Variants in VSTM4 observed in about 807,000 individuals in gnomAD.
VSTM4 encodes the protein V-set and transmembrane domain-containing protein 4.
A neutral mutation model predicts 36.4 loss-of-function variants in VSTM4; 20 were observed. That is an observed-to-expected ratio of 0.55 (90% CI 0.39 to 0.80). The LOEUF (loss-of-function observed/expected upper bound fraction) is 0.80. VSTM4 is among the 30% of genes least tolerant of loss of function. The pLI, the probability that VSTM4 is intolerant of heterozygous loss-of-function variation, is 0.00. For missense variants in VSTM4, 392 were observed against 404.5 expected (o/e 0.97, Z 0.26); for synonymous variants, 182 against 173.9 (o/e 1.05, Z -0.37).
At chr10:49,081,387 A>G (rs1844275937) in intron 3 of VSTM4, among the ~76,000 whole-genome samples, 1 of 152,362 alleles carries the variant, frequency 6.6e-6, no homozygotes, top group African/African-American at 2.4e-5. Flanking sequence ...TTGTCTTACA[A>G]AAGCTTCCAT....
chr10:49,094,432 C>T (rs892371874), intron 2 of VSTM4, among the ~76,000 whole-genome samples: 3 of 152,124 alleles, frequency 2.0e-5, no homozygotes, highest in Non-Finnish European at 2.9e-5. Flanking sequence ...TGAAAGGAAG[C>T]GGAAGAAGTT....
At position 49,019,780 on chromosome 10, in the gene VSTM4, A is replaced by G; in HGVS notation, c.838-5T>C. On this transcript the variant is annotated splice_region_variant and splice_polypyrimidine_tract_variant and intron_variant, in intron 7 of 7. Coordinates refer to ENST00000332853, the MANE Select transcript of VSTM4 (RefSeq NM_001031746.5). Reference sequence around the variant, plus strand: ...GTTTTCCTCAGCAATCTTTGGCTATAAAAGAAAAAACAAAACAAAACACAA... The same window carrying G: ...GTTTTCCTCAGCAATCTTTGGCTATGAAAGAAAAAACAAAACAAAACACAA... 1 of 1,607,890 alleles carries G rather than the reference A, an allele frequency of 6.2e-7. No homozygotes were observed. The highest frequency in any genetic ancestry group is 8.5e-7 in the Non-Finnish European group (1 of 1,176,778).
At chr10:49,091,490 A>C (rs991244492) in intron 2 of VSTM4, among the ~76,000 whole-genome samples, 1 of 152,258 alleles carries the variant, frequency 6.6e-6, no homozygotes, top group Admixed American at 6.5e-5. Context: ...CTGGAAAGAA[A>C]GAGCCTCAGT....
chr10:49,053,055 A>T (rs1215890967), intron 5 of VSTM4, among the ~76,000 whole-genome samples: 2 of 152,224 alleles, frequency 1.3e-5, no homozygotes, highest in Non-Finnish European at 2.9e-5. Context: ...AAGAAAAGTT[A>T]TTCGACATCT....
chr10:49,073,186 C>A (rs1392180835), intron 4 of VSTM4, among the ~76,000 whole-genome samples: 1 of 152,152 alleles, frequency 6.6e-6, no homozygotes, highest in Non-Finnish European at 1.5e-5. Context: ...TGCAGATCTA[C>A]CAGCAAATCT....
At chr10:49,050,475 G>T (rs545836104) in intron 5 of VSTM4, among the ~76,000 whole-genome samples, 1 of 152,146 alleles carries the variant, frequency 6.6e-6, no homozygotes, top group Non-Finnish European at 1.5e-5. Flanking sequence ...TGAATCACAC[G>T]TTGTGGGATA....
chr10:49,067,448 A>T (rs1184532974), intron 4 of VSTM4, among the ~76,000 whole-genome samples: 1 of 152,258 alleles, frequency 6.6e-6, no homozygotes, highest in African/African-American at 2.4e-5. Flanking sequence ...GTACTTCAGA[A>T]TGTGACTGTA....
At chr10:49,068,906 A>G (rs1055091290) in intron 4 of VSTM4, among the ~76,000 whole-genome samples, 6 of 152,176 alleles carry the variant, frequency 3.9e-5, no homozygotes, top group African/African-American at 1.4e-4. Context: ...AACATTCAGG[A>G]CGTGTTCTCA....
intron 6 of VSTM4, among the ~76,000 whole-genome samples, chr10:49,047,901 T>C (rs1380435324): frequency 1.3e-5 from 2 of 152,214 alleles, no homozygotes; most frequent in Admixed American, 1.3e-4. Context: ...AATTGACCAG[T>C]TATTTTAGGA....
At chr10:49,055,751 C>A (rs959717449) in intron 5 of VSTM4, among the ~76,000 whole-genome samples, 1 of 152,222 alleles carries the variant, frequency 6.6e-6, no homozygotes, top group Non-Finnish European at 1.5e-5. Flanking sequence ...AATGGTGCCA[C>A]CCACTCACAG....
rs78609459 is a variant in VSTM4, at chr10:49,041,191, G to T, written c.837+5792C>A. ...TTGATATTCACCAAAAACTGCAGAT[G>T]CTAGGCCTGATATTTTTGTCTCTAA... is the stretch of plus-strand genomic sequence containing the variant. On this transcript the variant is annotated intron_variant, in intron 7 of 7. Coordinates refer to ENST00000332853, the MANE Select transcript of VSTM4 (RefSeq NM_001031746.5). Among the ~76,000 whole-genome samples, 451 of 152,240 alleles carry T rather than the reference G, an allele frequency of 3.0e-3. 2 individuals are homozygous for T. The highest frequency in any genetic ancestry group is 0.01 in the African/African-American group (421 of 41,534).
At chr10:49,023,162 G>C (rs1420691466) in intron 7 of VSTM4, among the ~76,000 whole-genome samples, 1 of 152,220 alleles carries the variant, frequency 6.6e-6, no homozygotes, top group Non-Finnish European at 1.5e-5. Context: ...ATAATAATTT[G>C]ATTGAAGATA....
In VSTM4 at chr10:49,064,532, T is replaced by C. The variant is rs552999284; in HGVS notation, c.668+171A>G. 38 of 755,952 alleles carry C rather than the reference T, an allele frequency of 5.0e-5. No individual in the cohort carries two copies. The African/African-American group carries it at 6.2e-4, about 12-fold the overall frequency. 46.8% of individuals were successfully genotyped at this position (755,952 alleles called of 1,614,324 possible). On this transcript the variant is annotated intron_variant, in intron 5 of 7. Transcript: ENST00000332853. ...ATCCCTGGGGGTGAAAACCAGACTG[T>C]AGACCTTGGAAACATGCAAATGCAT...
intron 4 of VSTM4, among the ~76,000 whole-genome samples, chr10:49,076,027 C>T (rs1844171738): frequency 6.6e-6 from 1 of 152,168 alleles, no homozygotes; most frequent in African/African-American, 2.4e-5. Context: ...AGGAACCTCC[C>T]CTCTCCTTGT....
At chr10:49,048,918 C>A (rs1249010467) in intron 5 of VSTM4, among the ~76,000 whole-genome samples, 1 of 152,206 alleles carries the variant, frequency 6.6e-6, no homozygotes, top group East Asian at 1.9e-4. Context: ...ATGGTTGACA[C>A]CTGGTTTAAC....
At chr10:49,057,410 T>C (rs1843799754) in intron 5 of VSTM4, among the ~76,000 whole-genome samples, 1 of 152,192 alleles carries the variant, frequency 6.6e-6, no homozygotes, top group Non-Finnish European at 1.5e-5. Context: ...TGAATTCCTA[T>C]GGAAACCCTT....
chr10:49,084,831 T>C (rs1216859950), intron 3 of VSTM4, among the ~76,000 whole-genome samples: 1 of 152,250 alleles, frequency 6.6e-6, no homozygotes, highest in Admixed American at 6.5e-5. Context: ...CTCCGAACTT[T>C]CCTTACTCCA....
chr10:49,026,033 T>C (rs1239895552), intron 7 of VSTM4, among the ~76,000 whole-genome samples: 1 of 151,996 alleles, frequency 6.6e-6, no homozygotes, highest in Admixed American at 6.5e-5. Flanking sequence ...GACAGAAAAA[T>C]CCTAGAGGAA....
In VSTM4 at chr10:49,018,227, A is replaced by C; in HGVS notation, c.*1423T>G. The stretch of plus-strand genomic sequence containing the variant: ...AAATAGTGAAGAAATTTTCATTTTG[A>C]AAATGCAGACTGGCTTTAGCATGAA... On this transcript the variant is annotated 3_prime_UTR_variant, in exon 8 of 8. Coordinates refer to ENST00000332853, the MANE Select transcript of VSTM4 (RefSeq NM_001031746.5). The C allele has an allele frequency of 6.6e-6, 1 of 152,252 alleles. No individual in the cohort carries two copies. The highest frequency in any genetic ancestry group is 2.4e-5 in the African/African-American group (1 of 41,468). 9.4% of individuals were successfully genotyped at this position (152,252 alleles called of 1,614,324 possible).
Sources: allele counts gnomAD v4.1 joint callset (sites outside exome capture counted in the v4.1 genomes callset), GRCh38; gene constraint gnomAD v4.1.1; transcripts MANE v1.5; gene names NCBI Gene and HGNC (gene_info 2026-07-23, HGNC 2026-07-21).